Variants in EYS observed in about 807,000 individuals in gnomAD.
EYS encodes protein eyes shut homolog.
A neutral mutation model predicts 282.1 loss-of-function variants in EYS; 250 were observed. That is an observed-to-expected ratio of 0.89 (90% confidence interval 0.80 to 0.98). EYS has a LOEUF of 0.98. EYS is among the 50% of genes least tolerant of loss of function. The pLI, the probability that EYS is intolerant of heterozygous loss-of-function variation, is 0.00. For synonymous variants in EYS, 1,355 were observed against 1,282.9 expected (o/e 1.06, Z -1.20); for missense variants, 4,016 against 3,709.0 (o/e 1.08, Z -2.15).
At chr6:63,839,424 T>C (rs1377506789) in intron 36 of EYS, among the ~76,000 whole-genome samples, 1 of 152,230 alleles carries the variant, frequency 6.6e-6, no homozygotes, top group African/African-American at 2.4e-5. Flanking sequence ...TAGCATTCCA[T>C]TGTGTATATG....
intron 24 of EYS, among the ~76,000 whole-genome samples, chr6:64,603,278 CTTCT>C (rs1766819622): frequency 6.6e-6 from 1 of 152,016 alleles, no homozygotes; most frequent in Admixed American, 6.6e-5. Flanking sequence ...TCCTCCTTCT[CTTCT>C]TTCTTATCCT....
At chr6:64,558,538 GAACAAC>G (rs946314277) in intron 26 of EYS, among the ~76,000 whole-genome samples, 3 of 151,814 alleles carry the variant, frequency 2.0e-5, no homozygotes, top group African/African-American at 7.3e-5. Context: ...AAGCAGAACA[GAACAAC>G]AACAACAAAA....
intron 12 of EYS, among the ~76,000 whole-genome samples, chr6:65,136,722 A>T (rs1205559648): frequency 6.6e-6 from 1 of 152,090 alleles, no homozygotes; most frequent in African/African-American, 2.4e-5. Context: ...ATCTCATACT[A>T]TCAACCAGGC....
chr6:64,060,267 T>C (rs913558965), intron 33 of EYS, among the ~76,000 whole-genome samples: 5 of 152,142 alleles, frequency 3.3e-5, no homozygotes, highest in Admixed American at 2.6e-4. Flanking sequence ...GTCAAAATTA[T>C]AGATAATAGA....
chr6:64,854,674 A>G (rs1312264418), intron 19 of EYS, among the ~76,000 whole-genome samples: 1 of 151,904 alleles, frequency 6.6e-6, no homozygotes, highest in East Asian at 1.9e-4. Context: ...GCACACCAAC[A>G]TGGCACATGT....
intron 35 of EYS, among the ~76,000 whole-genome samples, chr6:63,888,338 G>A (rs1773318897): frequency 6.6e-6 from 1 of 152,228 alleles, no homozygotes; most frequent in South Asian, 2.1e-4. Flanking sequence ...TGTGCCTCCT[G>A]AAGGGGAGAC....
chr6:65,148,189 T>G (rs1246179964), intron 12 of EYS, among the ~76,000 whole-genome samples: 1 of 152,084 alleles, frequency 6.6e-6, no homozygotes, highest in Non-Finnish European at 1.5e-5. Flanking sequence ...GCATGAACTC[T>G]AAAGTCCAAG....
intron 22 of EYS, among the ~76,000 whole-genome samples, chr6:64,768,624 T>C (rs1773425971): frequency 6.6e-6 from 1 of 152,168 alleles, no homozygotes; most frequent in Non-Finnish European, 1.5e-5. Context: ...TCAGGGTAGC[T>C]CTCTGATAAA....
intron 2 of EYS, among the ~76,000 whole-genome samples, chr6:65,524,716 C>G (rs1767492412): frequency 6.6e-6 from 1 of 152,158 alleles, no homozygotes; most frequent in African/African-American, 2.4e-5. Flanking sequence ...GTGTGAAATA[C>G]CATGATGATA....
At chr6:63,761,147 T>C (rs914340563) in intron 41 of EYS, among the ~76,000 whole-genome samples, 1 of 151,802 alleles carries the variant, frequency 6.6e-6, no homozygotes, top group African/African-American at 2.4e-5. Flanking sequence ...AGGAAAGGCT[T>C]CCCTAAATTA....
chr6:65,397,894 C>A (rs1258771666), intron 7 of EYS, among the ~76,000 whole-genome samples: 4 of 151,948 alleles, frequency 2.6e-5, no homozygotes, highest in African/African-American at 9.7e-5. Flanking sequence ...GCATACCCTT[C>A]TCTCTGCATC....
At chr6:64,162,490 C>T (rs1450456954) in intron 31 of EYS, among the ~76,000 whole-genome samples, 1 of 151,990 alleles carries the variant, frequency 6.6e-6, no homozygotes, top group Non-Finnish European at 1.5e-5. Context: ...GCCCTTTGTC[C>T]CTTAGACAGA....
chr6:64,597,997 T>C (rs1440310218), intron 24 of EYS, among the ~76,000 whole-genome samples: 2 of 152,144 alleles, frequency 1.3e-5, no homozygotes, highest in Non-Finnish European at 2.9e-5. Context: ...ATGTATTCCA[T>C]AAATATGTAC....
At position 65,644,941 on chromosome 6, in the gene EYS, A is replaced by C. The variant is rs58797175; in HGVS notation, c.-447-5049T>G. On this transcript the variant is annotated intron_variant, in intron 1 of 42. Transcript: ENST00000503581. Reference sequence around the variant, plus strand: ...TGATAAGACTTCAAAATAAACCAAAATAGAACCTCCTTAAAGCATAAATCT... The same window carrying C: ...TGATAAGACTTCAAAATAAACCAAACTAGAACCTCCTTAAAGCATAAATCT... Among the ~76,000 whole-genome samples, 207 of 152,334 alleles carry C rather than the reference A, an allele frequency of 1.4e-3. 1 individual carries two copies. The highest frequency in any genetic ancestry group is 0.01 in the Middle Eastern group (3 of 294).
chr6:64,952,518 T>C (rs751691229), intron 14 of EYS, among the ~76,000 whole-genome samples: 2 of 152,044 alleles, frequency 1.3e-5, no homozygotes, highest in Non-Finnish European at 2.9e-5. Flanking sequence ...CTTGTCCAGG[T>C]AAGCTAAACT....
intron 22 of EYS, among the ~76,000 whole-genome samples, chr6:64,693,779 A>C (rs1428290673): frequency 6.6e-6 from 1 of 152,182 alleles, no homozygotes; most frequent in African/African-American, 2.4e-5. Flanking sequence ...AGGCTTTATA[A>C]AAATTAAGAT....
intron 19 of EYS, among the ~76,000 whole-genome samples, chr6:64,874,828 G>A (rs1316837532): frequency 1.3e-5 from 2 of 152,004 alleles, no homozygotes; most frequent in Non-Finnish European, 2.9e-5. Flanking sequence ...CTTGTATTTT[G>A]AGCCTGAACG....
Position 63,999,198 on chromosome 6 carries a change from G to C in EYS, c.6726-15C>G. On this transcript the variant is annotated splice_polypyrimidine_tract_variant and intron_variant, in intron 33 of 42. Coordinates refer to ENST00000503581, the MANE Select transcript of EYS (RefSeq NM_001142800.2). ...GCGTTGTGTAGCTAAACGTAAAACA[G>C]AAGAGGCCATTATGATATGTGTTTT... The C allele has an allele frequency of 6.6e-7, 1 of 1,516,748 alleles. No individual in the cohort carries two copies. The highest frequency in any genetic ancestry group is 9.0e-7 in the Non-Finnish European group (1 of 1,115,270). 94.0% of individuals were successfully genotyped at this position (1,516,748 alleles called of 1,614,324 possible). A position where few individuals can be genotyped will look rare whatever the true frequency, so the allele number is the denominator to read the frequency against.
chr6:65,033,859 G>T (rs563891123), intron 13 of EYS, among the ~76,000 whole-genome samples: 1 of 152,264 alleles, frequency 6.6e-6, no homozygotes, highest in South Asian at 2.1e-4. Context: ...ACCCCAGAAA[G>T]GTAGATCCAC....
Sources: gnomAD v4.1 joint callset for allele counts (sites outside exome capture counted in the v4.1 genomes callset) on GRCh38, gnomAD v4.1.1 for gene constraint, MANE v1.5 for transcripts, NCBI Gene and HGNC (gene_info 2026-07-23, HGNC 2026-07-21) for gene names.